The following SORBS2 variants were observed in gnomAD, a reference collection of about 807,000 sequenced individuals.
SORBS2 encodes sorbin and SH3 domain containing 2.
In SORBS2, 46 loss-of-function variants were observed where a neutral mutation model predicts 97.7. The ratio of observed to expected loss-of-function variants is 0.47; its 90% CI spans 0.37 to 0.60. The LOEUF (loss-of-function observed/expected upper bound fraction) is 0.60. Among genes scored for constraint, SORBS2 ranks in the 20% least tolerant of loss-of-function variants. SORBS2 has a pLI of 0.00. For synonymous variants in SORBS2, 476 were observed against 473.4 expected (o/e 1.01, Z -0.07); for missense variants, 1,316 against 1,282.3 (o/e 1.03, Z -0.40).
At chr4:185,662,854 T>C (rs2097541263) in intron 4 of SORBS2, among the ~76,000 whole-genome samples, 1 of 152,380 alleles carries the variant, frequency 6.6e-6, no homozygotes. Flanking sequence ...TCAGCCTCAT[T>C]GAGCACTTCA....
At position 185,684,860 on chromosome 4, in the gene SORBS2, A is replaced by C; in HGVS notation, c.-197-6038T>G. 1 of 1,550,018 alleles carries C rather than the reference A, an allele frequency of 6.5e-7. No homozygotes were observed. The highest frequency in any genetic ancestry group is 2.0e-5 in the Admixed American group (1 of 50,978). ...ACCCACCGCTATCTGGAAGCAAAAA[A>C]ATGATATAGCAGAGGCCAAGGCAAC... is the stretch of plus-strand genomic sequence containing the variant. On this transcript the variant is annotated intron_variant, in intron 2 of 20. Transcript: ENST00000284776. This position sits in a 1 kb window ranked among gnomAD's most constrained non-coding sequence, Gnocchi z 4.2.
chr4:185,591,975 A>C (rs1448886168), intron 13 of SORBS2: 1 of 152,278 alleles, frequency 6.6e-6, no homozygotes, highest in Non-Finnish European at 1.5e-5. Context: ...ACCTTCAGGA[A>C]ATCCTCCTGC....
At chr4:185,894,744 C>T (rs148550798) in intron 1 of SORBS2, among the ~76,000 whole-genome samples, 1 of 152,180 alleles carries the variant, frequency 6.6e-6, no homozygotes, top group African/African-American at 2.4e-5. Context: ...CCACCTCAGT[C>T]CCCACAAAAG....
chr4:185,650,613 T>A (rs2097297460), intron 2 of SORBS2, among the ~76,000 whole-genome samples: 1 of 152,276 alleles, frequency 6.6e-6, no homozygotes, highest in South Asian at 2.1e-4. Flanking sequence ...CTGCACCCAA[T>A]CATTGGAGCT....
chr4:185,791,599 C>T (rs959398602), intron 1 of SORBS2, among the ~76,000 whole-genome samples: 3 of 151,880 alleles, frequency 2.0e-5, no homozygotes, highest in Non-Finnish European at 4.4e-5. Flanking sequence ...CTAAGTGCCT[C>T]GGGTGAACTC....
chr4:185,713,206 G>A (rs1236497211), intron 2 of SORBS2, among the ~76,000 whole-genome samples: 1 of 151,984 alleles, frequency 6.6e-6, no homozygotes, highest in Non-Finnish European at 1.5e-5. Context: ...TGGCTACCTC[G>A]TTAAGCCTTG....
chr4:185,920,352 T>A (rs2099260397), intron 1 of SORBS2, among the ~76,000 whole-genome samples: 1 of 152,200 alleles, frequency 6.6e-6, no homozygotes, highest in Non-Finnish European at 1.5e-5. Flanking sequence ...TTTGTGTACT[T>A]GCATTTGCGG....
At chr4:185,729,026 G>A (rs1261314305) in intron 2 of SORBS2, among the ~76,000 whole-genome samples, 1 of 152,230 alleles carries the variant, frequency 6.6e-6, no homozygotes, top group Admixed American at 6.5e-5. Context: ...TTTGCCAGTG[G>A]TTGTTGTGAG....
chr4:185,761,193 C>T (rs879556493), intron 2 of SORBS2, among the ~76,000 whole-genome samples: 1 of 152,238 alleles, frequency 6.6e-6, no homozygotes, highest in Admixed American at 6.5e-5. Flanking sequence ...TAGCTGCCAT[C>T]AGTAATGTCT....
intron 2 of SORBS2, among the ~76,000 whole-genome samples, chr4:185,756,456 AATC>A (rs2098831300): frequency 6.6e-6 from 1 of 152,178 alleles, no homozygotes; most frequent in African/African-American, 2.4e-5. Flanking sequence ...TCCAGAAAGA[AATC>A]ATATCAGTCA....
intron 1 of SORBS2, among the ~76,000 whole-genome samples, chr4:185,912,508 C>T (rs545422329): frequency 1.4e-5 from 2 of 146,498 alleles, no homozygotes; most frequent in South Asian, 4.3e-4. Context: ...TCGCTTGCAC[C>T]CAGGAGGTGG....
chr4:185,750,891 T>A (rs1249801087), intron 2 of SORBS2, among the ~76,000 whole-genome samples: 1 of 151,874 alleles, frequency 6.6e-6, no homozygotes, highest in African/African-American at 2.4e-5. Context: ...TTCTCTCTCT[T>A]CTCCTTGACC....
At chr4:185,810,413 A>C (rs1051818713) in intron 1 of SORBS2, among the ~76,000 whole-genome samples, 4 of 152,254 alleles carry the variant, frequency 2.6e-5, no homozygotes, top group Admixed American at 1.3e-4. Context: ...TTGGAGGAAA[A>C]AGGTAGCAAA....
intron 2 of SORBS2, among the ~76,000 whole-genome samples, chr4:185,711,417 A>T (rs1057180919): frequency 1.3e-5 from 2 of 152,190 alleles, no homozygotes; most frequent in Non-Finnish European, 2.9e-5. Context: ...CCCAAGTTCA[A>T]CTAGGGCTAG....
At chr4:185,728,827 G>A (rs1444919348) in intron 2 of SORBS2, among the ~76,000 whole-genome samples, 1 of 152,224 alleles carries the variant, frequency 6.6e-6, no homozygotes, top group Non-Finnish European at 1.5e-5. Context: ...CCAGCTGCAT[G>A]TGCCATTTGC....
At chr4:185,870,808 C>T (rs2099230024) in intron 1 of SORBS2, among the ~76,000 whole-genome samples, 1 of 152,032 alleles carries the variant, frequency 6.6e-6, no homozygotes, top group Non-Finnish European at 1.5e-5. Flanking sequence ...TCAAGGATTC[C>T]TTTTTTTTCT....
chr4:185,876,329 A>G (rs2099233651), intron 1 of SORBS2, among the ~76,000 whole-genome samples: 1 of 152,084 alleles, frequency 6.6e-6, no homozygotes. Flanking sequence ...GCTGATCTCG[A>G]GCTCCTGACC....
rs1041613122 is a variant in SORBS2 at position 185,916,596 on chromosome 4, G to A, written c.-338+39600C>T. 3.9e-5 allele frequency among the ~76,000 whole-genome samples: 6 copies of A among 152,174 alleles called. No individual in the cohort carries two copies. The South Asian group carries it at 6.2e-4, about 16-fold the overall frequency. ...ATAGAGAATTTGACGCCCAAGATAC[G>A]ACACTCCCAGCACATTCATTTTCAA... On this transcript the variant is annotated intron_variant, in intron 1 of 20. Coordinates refer to the SORBS2 transcript ENST00000284776.
At chr4:185,879,171 C>T (rs571708094) in intron 1 of SORBS2, among the ~76,000 whole-genome samples, 15 of 77,288 alleles carry the variant, frequency 1.9e-4, no homozygotes, top group East Asian at 5.1e-4. Flanking sequence ...TCCCTCCCCC[C>T]CCCCCACCCC....
Sources: gnomAD v4.1 joint callset for allele counts (sites outside exome capture counted in the v4.1 genomes callset) on GRCh38, gnomAD v4.1.1 for gene constraint, Gnocchi (gnomAD v3.1) non-coding constraint, MANE v1.5 for transcripts, NCBI Gene and HGNC (gene_info 2026-07-23, HGNC 2026-07-21) for gene names.